The following MMP26 variants were observed in gnomAD, a reference collection of about 807,000 sequenced individuals.
MMP26 encodes the protein matrix metallopeptidase 26.
In MMP26, 33 loss-of-function variants were observed where a neutral mutation model predicts 31.0. The observed-to-expected ratio is 1.06, with a 90% CI of 0.81 to 1.42. MMP26 has a LOEUF of 1.42. MMP26 is among the 40% of genes most tolerant of loss of function. The pLI is 0.00. For missense variants in MMP26, 347 were observed against 316.1 expected (o/e 1.10, Z -0.74); for synonymous variants, 122 against 114.9 (o/e 1.06, Z -0.40).
At chr11:4,970,077 G>A (rs1846645735) in intron 2 of MMP26, among the ~76,000 whole-genome samples, 1 of 151,994 alleles carries the variant, frequency 6.6e-6, no homozygotes, top group Non-Finnish European at 1.5e-5. Context: ...ACACAGACGA[G>A]CCACAGAGAT....
chr11:4,804,254 C>G, intron 2 of MMP26: 1 of 1,613,872 alleles, frequency 6.2e-7, no homozygotes. Context: ...ATATTTCCAA[C>G]AACAGCCACA....
chr11:4,964,507 T>C (rs548956291), intron 2 of MMP26, among the ~76,000 whole-genome samples: 11 of 152,270 alleles, frequency 7.2e-5, no homozygotes, highest in African/African-American at 2.2e-4. Context: ...GAAGACAGTG[T>C]GGTGATTCCT....
At chr11:4,892,547 C>T (rs1024212847) in intron 2 of MMP26, among the ~76,000 whole-genome samples, 6 of 152,220 alleles carry the variant, frequency 3.9e-5, no homozygotes, top group African/African-American at 1.2e-4. Context: ...ATATTTTCTT[C>T]ACCAAGCACA....
At chr11:4,923,570 A>T (rs764674070) in intron 2 of MMP26, 1 of 1,614,126 alleles carries the variant, frequency 6.2e-7, no homozygotes, top group East Asian at 2.2e-5. Flanking sequence ...CAAGCCAATC[A>T]TGGGGATGTA....
At chr11:4,832,158 T>C (rs558375088) in intron 2 of MMP26, 1 of 157,436 alleles carries the variant, frequency 6.4e-6, no homozygotes, top group South Asian at 2.0e-4. Flanking sequence ...ACCTCAGAAG[T>C]TGAAGTCTCC....
intron 2 of MMP26, chr11:4,832,825 A>G (rs1216511134): frequency 1.1e-5 from 2 of 174,190 alleles, no homozygotes; most frequent in African/African-American, 2.4e-5. Flanking sequence ...ATTGCATCCC[A>G]TGGGGAGTGC....
intron 2 of MMP26, chr11:4,847,601 G>A (rs768884680): frequency 6.6e-6 from 1 of 152,122 alleles, no homozygotes; most frequent in Non-Finnish European, 1.5e-5. Flanking sequence ...TCTTTGTGTT[G>A]AGGACATTCA....
chr11:4,756,444 G>A (rs1848505042), intron 1 of MMP26, among the ~76,000 whole-genome samples: 1 of 151,084 alleles, frequency 6.6e-6, no homozygotes, highest in African/African-American at 2.4e-5. Context: ...GTAAAATCAG[G>A]AAGATAAGAA....
intron 2 of MMP26, chr11:4,804,313 A>G: frequency 1.2e-6 from 2 of 1,614,158 alleles, no homozygotes; most frequent in Non-Finnish European, 1.7e-6. Context: ...GAAACTCTCC[A>G]GGCCTGGGAT....
chr11:4,849,031 G>T lies in MMP26; in HGVS notation c.-145+81690G>T, dbSNP rs11602499. On this transcript the variant is annotated intron_variant, in intron 2 of 7. Transcript: ENST00000380390. ...TGCATTGGGCGGTGCAGGGCGGGCT[G>T]CAGGGCAATGATCCAGAGGATGGTG... 5 of 1,613,722 alleles carry T rather than the reference G, an allele frequency of 3.1e-6. No individual in the cohort carries two copies. In the Admixed American group the frequency reaches 8.3e-5, roughly 27 times the overall value.
intron 2 of MMP26, chr11:4,924,489 A>T: frequency 1.3e-6 from 1 of 763,414 alleles, no homozygotes; most frequent in East Asian, 2.6e-5. Flanking sequence ...GTGGGGGCTG[A>T]TCTATTAGCC....
At position 4,946,169 on chromosome 11, in the gene MMP26, C is replaced by T. The variant is rs138815727; in HGVS notation, c.-144-41899C>T. The T allele has an allele frequency of 3.6e-5, 58 of 1,613,574 alleles. No homozygotes were observed. The highest frequency in any genetic ancestry group is 1.6e-4 in the Middle Eastern group (1 of 6,084). On this transcript the variant is annotated intron_variant, in intron 2 of 7. Coordinates refer to ENST00000380390, the MANE Select transcript of MMP26 (RefSeq NM_021801.5). Reference sequence around the variant, plus strand: ...TGTCACATATGACTGTTAAATCTTCCGTTGACACAATTTTGCTACAACTCT... The same window carrying T: ...TGTCACATATGACTGTTAAATCTTCTGTTGACACAATTTTGCTACAACTCT...
rs564379808 is a variant in MMP26 at position 4,821,232 on chromosome 11, G to A, written c.-145+53891G>A. The stretch of plus-strand genomic sequence containing the variant: ...AGGGAATTCACTTTTCTCAATAAAT[G>A]TGAAACACTGACAGACTTGGAGAGA... On this transcript the variant is annotated intron_variant, in intron 2 of 7. Coordinates refer to ENST00000380390, the MANE Select transcript of MMP26 (RefSeq NM_021801.5). 30 of 655,588 alleles carry A rather than the reference G, an allele frequency of 4.6e-5. 1 individual carries two copies. The South Asian group carries it at 5.4e-4, about 12-fold the overall frequency. 40.6% of individuals were successfully genotyped at this position (655,588 alleles called of 1,614,324 possible).
At chr11:4,705,086 A>C (rs1056764667) in intron 1 of MMP26, 41 bp downstream of exon 1, 1 of 152,236 alleles carries the variant, frequency 6.6e-6, no homozygotes, top group Non-Finnish European at 1.5e-5. Flanking sequence ...TAAATAAATT[A>C]GGTACTGTAT....
chr11:4,722,518 A>T (rs1465473242), intron 1 of MMP26, among the ~76,000 whole-genome samples: 1 of 56,000 alleles, frequency 1.8e-5, no homozygotes, highest in Non-Finnish European at 3.4e-5. Flanking sequence ...GGATTTATTT[A>T]GGACAGGAAA....
intron 2 of MMP26, among the ~76,000 whole-genome samples, chr11:4,905,245 G>C (rs1272915529): frequency 5.3e-5 from 8 of 151,976 alleles, no homozygotes; most frequent in African/African-American, 1.9e-4. Context: ...ACTTACCCTG[G>C]GTTTTGCATT....
At position 4,916,894 on chromosome 11, in the gene MMP26, A is replaced by G. The variant is rs74052614; in HGVS notation, c.-144-71174A>G. ...CCCCAACCACAAGGTCATGTCCAGGAGAGCCCACTGAACACAGGGCAGTGA... is the reference window on the plus strand; with the variant it reads ...CCCCAACCACAAGGTCATGTCCAGGGGAGCCCACTGAACACAGGGCAGTGA... On this transcript the variant is annotated intron_variant, in intron 2 of 7. Coordinates refer to ENST00000380390, the MANE Select transcript of MMP26 (RefSeq NM_021801.5). Among the ~76,000 whole-genome samples the G allele has an allele frequency of 7.0e-3, 1,070 of 152,318 alleles. 18 individuals carry two copies. Among genetic ancestry groups the G allele is most frequent in the African/African-American group, 0.024 (1,000 of 41,562 alleles).
intron 2 of MMP26, chr11:4,913,474 T>C (rs1851023519): frequency 6.6e-6 from 1 of 152,224 alleles, no homozygotes; most frequent in Non-Finnish European, 1.5e-5. Flanking sequence ...ACATTCAAGC[T>C]TGCTTTCCTC....
At chr11:4,964,790 C>T (rs1436281680) in intron 2 of MMP26, among the ~76,000 whole-genome samples, 1 of 152,056 alleles carries the variant, frequency 6.6e-6, no homozygotes, top group Non-Finnish European at 1.5e-5. Context: ...AGCTAGAGAC[C>T]ATTATCATTA....
Sources: gnomAD v4.1 joint callset for allele counts (sites outside exome capture counted in the v4.1 genomes callset) on GRCh38, gnomAD v4.1.1 for gene constraint, MANE v1.5 for transcripts, NCBI Gene and HGNC (gene_info 2026-07-23, HGNC 2026-07-21) for gene names.